Variants in KIR2DL4 observed in about 807,000 individuals in gnomAD.
KIR2DL4 encodes the protein killer cell immunoglobulin like receptor, two Ig domains and long cytoplasmic tail 4, also known as killer cell immunoglobulin-like receptor 2DL4.
KIR2DL4 carries 41 observed loss-of-function variants against 31.0 expected under a neutral mutation model. That is an observed-to-expected ratio of 1.32 (90% confidence interval 1.03 to 1.72). The LOEUF is 1.72. Among genes scored for constraint, KIR2DL4 ranks in the 40% most tolerant of loss-of-function variants. The pLI, the probability that KIR2DL4 is intolerant of heterozygous loss-of-function variation, is 0.00. For missense variants in KIR2DL4, 438 were observed against 353.7 expected (o/e 1.24, Z -1.91); for synonymous variants, 164 against 133.6 (o/e 1.23, Z -1.57).
chr19:54,813,776 T>A lies in KIR2DL4; in HGVS notation c.*41+34T>A. On this transcript the variant is annotated intron_variant, in intron 7 of 7. Coordinates refer to ENST00000359085, the Ensembl canonical transcript of KIR2DL4. ...TCCTAGCCCAGCCTCATGGATACAG[T>A]CTTATTCCGAAATAGTCCTGAAAAA... is the stretch of plus-strand genomic sequence containing the variant. The A allele has an allele frequency of 2.5e-6, 4 of 1,611,324 alleles. 1 individual carries two copies. The highest frequency in any genetic ancestry group is 2.5e-6 in the Non-Finnish European group (3 of 1,179,246).
intron 5 of KIR2DL4, 67 bp downstream of exon 5, chr19:54,808,950 C>T (rs1332398787): frequency 7.0e-6 from 9 of 1,288,542 alleles, no homozygotes; most frequent in Admixed American, 1.7e-5. Context: ...TGGATTCAAG[C>T]GTTGGCTCAG....
chr19:54,809,501 G>A (rs1469635266), intron 5 of KIR2DL4, among the ~76,000 whole-genome samples: 1 of 151,276 alleles, frequency 6.6e-6, no homozygotes, highest in East Asian at 1.9e-4. Flanking sequence ...CTGTAGCTCA[G>A]AAGTATGAAA....
intron 4 of KIR2DL4, among the ~76,000 whole-genome samples, chr19:54,806,537 C>A (rs140140009): frequency 2.0e-5 from 3 of 150,900 alleles, no homozygotes; most frequent in Admixed American, 6.6e-5. Flanking sequence ...GTTCCCTCAG[C>A]CCCTCAACCT....
chr19:54,803,926 G>A lies in KIR2DL4; in HGVS notation c.76G>A (p.Gly26Ser), dbSNP rs776553253. Residue 26 changes from glycine to serine, a missense_variant and splice_region_variant, in exon 2 of 8, where the codon GGT (glycine) becomes AGT (serine). Gly to Ser is a moderately conservative substitution (Grantham distance 56). Transcript: ENST00000359085. ...GGACCAGAGTGTGTGGGCACACGTG[G>A]GTGAGTCCTTCCCCAAATGATGGGT... 5 of 1,609,498 alleles carry A rather than the reference G, an allele frequency of 3.1e-6. 1 individual carries two copies. Among genetic ancestry groups the A allele is most frequent in the Non-Finnish European group, 4.2e-6 (5 of 1,178,468 alleles).
At chr19:54,804,064 A>G (rs1433080335) in intron 2 of KIR2DL4, 138 bp downstream of exon 2, 1 of 824,402 alleles carries the variant, frequency 1.2e-6, no homozygotes. Flanking sequence ...CTCATGAACT[A>G]GTAAGAGGAG....
In KIR2DL4 at chr19:54,804,869, T is replaced by A; in HGVS notation, c.153T>A (p.Cys51Ter). 1 of 1,612,320 alleles carries A rather than the reference T, an allele frequency of 6.2e-7. No individual in the cohort carries two copies. The highest frequency in any genetic ancestry group is 1.1e-5 in the South Asian group (1 of 90,656). The stretch of plus-strand genomic sequence containing the variant: ...AAGGAGGACACGTGACTCTTCGGTG[T>A]CACTATCGTCGTGGGTTTAACATCT... Residue 51 changes from cysteine to a stop codon, truncating the protein, a stop_gained, in exon 3 of 8, where the codon TGT becomes TGA. Coordinates refer to ENST00000359085, the Ensembl canonical transcript of KIR2DL4. LOFTEE classifies it high-confidence loss of function.
At chr19:54,808,763 C>T in intron 4 of KIR2DL4, 70 bp from the exon 5 acceptor site, 1 of 1,173,176 alleles carries the variant, frequency 8.5e-7, no homozygotes, top group Non-Finnish European at 1.3e-6. Flanking sequence ...ATGAACCAAC[C>T]TCAAAGATTT....
At chr19:54,805,826 T>G in intron 3 of KIR2DL4, 125 bp from the exon 4 acceptor site, 6 of 746,392 alleles carry the variant, frequency 8.0e-6, no homozygotes, top group South Asian at 2.3e-5. Flanking sequence ...GAGTTGGGGG[T>G]GGAGGGTGAG....
chr19:54,808,971 C>G (rs2060693988), intron 5 of KIR2DL4, 88 bp downstream of exon 5: 1 of 1,048,722 alleles, frequency 9.5e-7, no homozygotes, highest in Admixed American at 1.7e-5. Flanking sequence ...CACCTGCCAG[C>G]TCTGTGATTG....
chr19:54,814,444 C>A, exon 8 of KIR2DL4: 1 of 348,176 alleles, frequency 2.9e-6, no homozygotes, highest in Non-Finnish European at 5.3e-6. Flanking sequence ...AGCCTTCTGG[C>A]ATCAGCAAAC....
intron 5 of KIR2DL4, among the ~76,000 whole-genome samples, chr19:54,812,757 G>A (rs1446035633): frequency 6.9e-6 from 1 of 145,686 alleles, no homozygotes. Context: ...AACTCTCCAG[G>A]GTACTAATAG....
At chr19:54,804,378 G>C (rs999051330) in intron 2 of KIR2DL4, among the ~76,000 whole-genome samples, 6 of 151,344 alleles carry the variant, frequency 4.0e-5, no homozygotes, top group African/African-American at 1.5e-4. Context: ...GGTAGGGGCT[G>C]CAGTGTGGCT....
rs1222389163 is a variant in KIR2DL4 at position 54,808,283 on chromosome 19, A to G, written c.656-550A>G. On this transcript the variant is annotated intron_variant, in intron 4 of 7. Transcript: ENST00000359085. ...TTTTAAACAAAATGTCTTCCCTCAG[A>G]CAAATGTCCTGGAGCATTTCTCCAG... Among the ~76,000 whole-genome samples the G allele has an allele frequency of 9.3e-5, 14 of 150,870 alleles. 1 individual carries two copies. The highest frequency in any genetic ancestry group is 1.6e-4 in the Non-Finnish European group (11 of 67,912).
chr19:54,811,096 C>T (rs1477927313), intron 5 of KIR2DL4, among the ~76,000 whole-genome samples: 1 of 151,010 alleles, frequency 6.6e-6, no homozygotes, highest in East Asian at 1.9e-4. Context: ...AGGAAGAGAC[C>T]TATTATAATA....
rs757586560 is a variant in KIR2DL4, at chr19:54,808,058, T to G, written c.656-775T>G. Among the ~76,000 whole-genome samples the G allele has an allele frequency of 3.0e-4, 46 of 151,090 alleles. 1 individual carries two copies. The highest frequency in any genetic ancestry group is 5.4e-4 in the Non-Finnish European group (37 of 67,948). On this transcript the variant is annotated intron_variant, in intron 4 of 7. Transcript: ENST00000359085. ...TTTATAATTAAATTATTAGTTTTAT[T>G]GAGGTGTTTGAGCTTCTTTTATATT...
rs1385275739 is a variant in KIR2DL4 at position 54,806,910 on chromosome 19, G to C, written c.655+666G>C. On this transcript the variant is annotated intron_variant, in intron 4 of 7. Transcript: ENST00000359085. ...GGCGCCTATAATCCCAGCAACTTGG[G>C]AGGCTGAGGCGGGAGAGTGGCTTAA... 1.3e-5 allele frequency among the ~76,000 whole-genome samples: 2 copies of C among 150,958 alleles called. 1 individual carries two copies.
intron 5 of KIR2DL4, among the ~76,000 whole-genome samples, chr19:54,812,799 A>T (rs2060940521): frequency 7.0e-6 from 1 of 142,764 alleles, no homozygotes; most frequent in South Asian, 2.3e-4. Context: ...TCCTCTGGGG[A>T]CAGCATTAAT....
intron 5 of KIR2DL4, among the ~76,000 whole-genome samples, chr19:54,809,471 T>A (rs1377843787): frequency 1.3e-5 from 2 of 151,080 alleles, no homozygotes; most frequent in African/African-American, 4.9e-5. Context: ...AACCACATTT[T>A]TAAAAAATAT....
chr19:54,804,158 G>GAA (rs1241034504), intron 2 of KIR2DL4, among the ~76,000 whole-genome samples: 2 of 107,630 alleles, frequency 1.9e-5, no homozygotes, highest in African/African-American at 7.5e-5. Flanking sequence ...GGTATGCTCA[G>GAA]CCCTCTGTTT....
Sources: allele counts gnomAD v4.1 joint callset (sites outside exome capture counted in the v4.1 genomes callset), GRCh38; gene constraint gnomAD v4.1.1; transcripts MANE v1.5; gene names NCBI Gene and HGNC (gene_info 2026-07-23, HGNC 2026-07-21).